The following NLRC5 variants were observed in gnomAD, a reference collection of about 807,000 sequenced individuals.
NLRC5 encodes the protein NLR family CARD domain containing 5.
NLRC5 carries 114 observed loss-of-function variants against 206.9 expected under a neutral mutation model. The observed-to-expected ratio is 0.55, with a 90% CI of 0.47 to 0.64. The LOEUF (loss-of-function observed/expected upper bound fraction) is 0.64. Ranked by LOEUF, NLRC5 falls within the 30% of genes least tolerant of loss-of-function variation. The pLI is 0.00. For synonymous variants in NLRC5, 952 were observed against 962.8 expected (o/e 0.99, Z 0.21); for missense variants, 2,008 against 2,305.5 (o/e 0.87, Z 2.64).
In NLRC5 at chr16:57,043,611, G is replaced by C. The variant is rs2399596; in HGVS notation, c.3203+7G>C. The stretch of plus-strand genomic sequence containing the variant: ...TCTTCCGCTTGGACATCAGGTGAGC[G>C]TGCCTCTCCGCCCCCAGCCCTGCCC... On this transcript the variant is annotated splice_region_variant and intron_variant, in intron 20 of 48. Transcript: ENST00000688547. The C allele has an allele frequency of 6.2e-7, 1 of 1,610,970 alleles. No individual in the cohort carries two copies. The highest frequency in any genetic ancestry group is 1.3e-5 in the African/African-American group (1 of 74,876).
chr16:57,022,347 G>A (rs114542637), intron 4 of NLRC5, 32 bp downstream of exon 4: 3 of 1,592,468 alleles, frequency 1.9e-6, no homozygotes, highest in South Asian at 1.1e-5. Flanking sequence ...TGGGAAGGGG[G>A]TGGTGAGCAC....
Position 57,022,331 on chromosome 16 carries a change from G to A in NLRC5, c.355+16G>A. ...CTCCACCATGGTGAGGACTGGAGTT[G>A]GGGGGTGGGAAGGGGGTGGTGAGCA... On this transcript the variant is annotated intron_variant, in intron 4 of 48. Coordinates refer to ENST00000688547, the MANE Select transcript of NLRC5 (RefSeq NM_001384950.1). The A allele has an allele frequency of 6.2e-7, 1 of 1,602,050 alleles. No individual in the cohort carries two copies. Among genetic ancestry groups the A allele is most frequent in the South Asian group, 1.1e-5 (1 of 90,468 alleles).
chr16:57,025,575 AC>A lies in NLRC5; in HGVS notation c.634del (p.Leu212SerfsTer12), dbSNP rs746430254. On this transcript the variant is annotated frameshift_variant, in exon 6 of 49. Coordinates refer to ENST00000688547, the MANE Select transcript of NLRC5 (RefSeq NM_001384950.1). LOFTEE classifies it high-confidence loss of function. ...GATGGTGCTGACGTGAGCATCTCGGACCTCTTCAACACCAGGGTTAACAAGG... is the reference window on the plus strand; with the variant it reads ...GATGGTGCTGACGTGAGCATCTCGGACTCTTCAACACCAGGGTTAACAAGG... ...VEDGADVSISDLFNTRVNKGP... is the reference protein window; with the variant it reads ...VEDGADVSISXLFNTRVNKGP... 9.9e-6 allele frequency: 16 copies of A among 1,613,798 alleles called. No individual in the cohort carries two copies. The highest frequency in any genetic ancestry group is 1.3e-5 in the Non-Finnish European group (15 of 1,179,934).
chr16:57,080,874 G>A (rs1424317370), intron 46 of NLRC5: 4 of 533,522 alleles, frequency 7.5e-6, no homozygotes, highest in Non-Finnish European at 1.3e-5. Flanking sequence ...GCAACATCTT[G>A]TGAACAACGT....
Position 57,026,100 on chromosome 16 carries a change from G to A in NLRC5, c.1157G>A (p.Arg386Gln), listed in dbSNP as rs749975403. The A allele has an allele frequency of 9.9e-6, 16 of 1,614,110 alleles. No homozygotes were observed. The highest frequency in any genetic ancestry group is 3.3e-5 in the Admixed American group (2 of 60,030). The change falls in exon 6 of 49, where the codon CGG becomes CAG. Residue 386 changes from arginine (R) to glutamine (Q), a missense_variant. Physicochemically the swap from Arg to Gln is conservative, Grantham distance 43 (BLOSUM62 1). Transcript: ENST00000688547. ...CACTTCTTCAGCGCCCAGCCATCGCGGGAGGGGGCCCTGGTGGAGTTACAG... is the reference window on the plus strand; with the variant it reads ...CACTTCTTCAGCGCCCAGCCATCGCAGGAGGGGGCCCTGGTGGAGTTACAG... Reference protein sequence around the residue: ...VNHFFSAQPSREGALVELQTN... With the variant: ...VNHFFSAQPSQEGALVELQTN...
chr16:57,070,535 C>A lies in NLRC5; in HGVS notation c.4584C>A (p.Asp1528Glu). The change falls in exon 38 of 49, where the codon GAC becomes GAA. Residue 1528 changes from aspartate (D) to glutamate (E), a missense_variant and splice_region_variant. Transcript: ENST00000688547. ...CTTGCCTCTGCCTGGTCTTCTGCAGCTTGTCTAACAATCAATTTGATGAGG... is the reference window on the plus strand; with the variant it reads ...CTTGCCTCTGCCTGGTCTTCTGCAGATTGTCTAACAATCAATTTGATGAGG... ...LGHCHHLEEL[D>E]LSNNQFDEEG... The A allele has an allele frequency of 1.2e-6, 2 of 1,613,912 alleles. No individual in the cohort carries two copies. The highest frequency in any genetic ancestry group is 8.5e-7 in the Non-Finnish European group (1 of 1,179,916).
rs1478722549 is a variant in NLRC5 at position 57,039,836 on chromosome 16, G to A, written c.2857G>A (p.Gly953Arg). 1.2e-6 allele frequency: 2 copies of A among 1,614,140 alleles called. No homozygotes were observed. Among genetic ancestry groups the A allele is most frequent in the Admixed American group, 1.7e-5 (1 of 60,026 alleles). Reference protein sequence around the residue: ...MFAQEPEEQKGPQERAAFLDS... With the variant: ...MFAQEPEEQKRPQERAAFLDS... Reference sequence around the variant, plus strand: ...TGCCCAGGAGCCAGAGGAGCAGAAGGGGCCCCAGGAGAGGTAGGGCCCGAT... The same window carrying A: ...TGCCCAGGAGCCAGAGGAGCAGAAGAGGCCCCAGGAGAGGTAGGGCCCGAT... The change falls in exon 16 of 49, where the codon GGG (glycine) becomes AGG (arginine). Residue 953 changes from glycine to arginine, a missense_variant. Physicochemically the swap from Gly to Arg is moderately radical, Grantham distance 125 (BLOSUM62 -2). Coordinates refer to ENST00000688547, the MANE Select transcript of NLRC5 (RefSeq NM_001384950.1).
Position 57,059,010 on chromosome 16 carries a change from A to G in NLRC5, c.3869A>G (p.Tyr1290Cys). 6.2e-7 allele frequency: 1 copy of G among 1,614,134 alleles called. No individual in the cohort carries two copies. Among genetic ancestry groups the G allele is most frequent in the Non-Finnish European group, 8.5e-7 (1 of 1,180,030 alleles). ...AGCATTTCTCAGGAAAGTGCCCTGT[A>G]CCTGCTGGAGACACTGCCCTCCTGC... ...HNSISQESAL[Y>C]LLETLPSCPR... The change falls in exon 29 of 49, where the codon TAC becomes TGC. Residue 1290 changes from tyrosine to cysteine, a missense_variant. Transcript: ENST00000688547.
intron 1 of NLRC5, among the ~76,000 whole-genome samples, chr16:56,991,305 C>T (rs2056802164): frequency 6.6e-6 from 1 of 152,014 alleles, no homozygotes; most frequent in South Asian, 2.1e-4. Flanking sequence ...CCTCCTCAGA[C>T]CCCAACACAC....
intron 29 of NLRC5, 154 bp from the exon 30 acceptor site, chr16:57,059,313 G>T: frequency 6.8e-7 from 1 of 1,465,198 alleles, no homozygotes; most frequent in Non-Finnish European, 9.0e-7. Context: ...CTCACAGAAT[G>T]AGTTTGGGGG....
chr16:57,043,507 A>G lies in NLRC5; in HGVS notation c.3114-8A>G. ...TGACCTCCATTGTGCCACCCCTGTG[A>G]TCTCCAGCCTCAGTGAGAACGGTTT... is the stretch of plus-strand genomic sequence containing the variant. On this transcript the variant is annotated splice_polypyrimidine_tract_variant and splice_region_variant and intron_variant, in intron 19 of 48. Transcript: ENST00000688547. 67 of 1,613,254 alleles carry G rather than the reference A, an allele frequency of 4.2e-5. No individual in the cohort carries two copies. Among genetic ancestry groups the G allele is most frequent in the Non-Finnish European group, 5.6e-5 (66 of 1,179,330 alleles).
At chr16:57,040,228 G>A (rs987896694) in intron 16 of NLRC5, among the ~76,000 whole-genome samples, 12 of 152,156 alleles carry the variant, frequency 7.9e-5, no homozygotes, top group Admixed American at 1.3e-4. Flanking sequence ...ACCCATTAGG[G>A]TCCTGGATTG....
At chr16:57,068,617 G>A (rs1567635795) in intron 36 of NLRC5, among the ~76,000 whole-genome samples, 2 of 152,084 alleles carry the variant, frequency 1.3e-5, no homozygotes, top group African/African-American at 4.8e-5. Flanking sequence ...GAATTTGCTA[G>A]AAATAAGGAC....
rs145529261 is a variant in NLRC5, at chr16:57,017,921, T to A, written c.-13+733T>A. On this transcript the variant is annotated intron_variant, in intron 2 of 48. Transcript: ENST00000688547. Reference sequence around the variant, plus strand: ...TGGATCTTTCAACCATCGTCCTCTGTCTCCAAGATTATTCCCCATGGAAAT... The same window carrying A: ...TGGATCTTTCAACCATCGTCCTCTGACTCCAAGATTATTCCCCATGGAAAT... Among the ~76,000 whole-genome samples the A allele has an allele frequency of 1.8e-3, 278 of 152,310 alleles. 1 individual carries two copies. Among genetic ancestry groups the A allele is most frequent in the African/African-American group, 6.4e-3 (265 of 41,566 alleles).
chr16:57,049,697 G>A (rs1250356590), intron 23 of NLRC5, among the ~76,000 whole-genome samples: 1 of 151,508 alleles, frequency 6.6e-6, no homozygotes, highest in African/African-American at 2.4e-5. Context: ...CTGCGCCACT[G>A]TCCTCCAGCC....
At chr16:57,020,162 C>T (rs2060498336) in intron 2 of NLRC5, among the ~76,000 whole-genome samples, 1 of 151,850 alleles carries the variant, frequency 6.6e-6, no homozygotes, top group South Asian at 2.1e-4. Flanking sequence ...CCCTTATCCC[C>T]CAACTCACCT....
chr16:57,026,854 T>C lies in NLRC5; in HGVS notation c.1911T>C (p.Tyr637=). 6.2e-7 allele frequency: 1 copy of C among 1,614,144 alleles called. No individual in the cohort carries two copies. The highest frequency in any genetic ancestry group is 8.5e-7 in the Non-Finnish European group (1 of 1,180,026). The change falls in exon 6 of 49, where the codon TAT becomes TAC. Residue 637 remains tyrosine, a synonymous_variant. Coordinates refer to ENST00000688547, the MANE Select transcript of NLRC5 (RefSeq NM_001384950.1). ...GTCTCACCGCACAAAGCCTCCCCTA[T>C]CAACTGCCCTTCCACAATTTCCCAC... ...LASLTAQSLP[Y]QLPFHNFPLT...
chr16:57,021,074 G>C, intron 3 of NLRC5, 67 bp downstream of exon 3: 1 of 1,465,122 alleles, frequency 6.8e-7, no homozygotes, highest in Non-Finnish European at 9.4e-7. Flanking sequence ...GCCGGGAGGA[G>C]CCCAGGGACC....
At chr16:57,011,084 C>T (rs1231290269) in intron 1 of NLRC5, among the ~76,000 whole-genome samples, 1 of 152,142 alleles carries the variant, frequency 6.6e-6, no homozygotes, top group Non-Finnish European at 1.5e-5. Flanking sequence ...AATACACACA[C>T]ATTTAAAATA....
Sources: gnomAD v4.1 joint callset for allele counts (sites outside exome capture counted in the v4.1 genomes callset) on GRCh38, gnomAD v4.1.1 for gene constraint, MANE v1.5 for transcripts, NCBI Gene and HGNC (gene_info 2026-07-23, HGNC 2026-07-21) for gene names.